Variants in MRTFA observed in about 807,000 individuals in gnomAD.
The protein encoded by MRTFA is myocardin-related transcription factor A.
In MRTFA, 20 loss-of-function variants were observed where a neutral mutation model predicts 83.5. That is an observed-to-expected ratio of 0.24 (90% confidence interval 0.17 to 0.35). The LOEUF (loss-of-function observed/expected upper bound fraction) is 0.35. Among genes scored for constraint, MRTFA ranks in the 10% least tolerant of loss-of-function variants. The probability of loss-of-function intolerance (pLI) is 1.00; values close to 1 mark genes in which losing one functional copy is unlikely to be tolerated. For missense variants in MRTFA, 1,200 were observed against 1,224.7 expected (o/e 0.98, Z 0.30); for synonymous variants, 659 against 541.2 (o/e 1.22, Z -3.02).
chr22:40,623,046 G>A (rs1423605945), intron 1 of MRTFA, among the ~76,000 whole-genome samples: 1 of 152,058 alleles, frequency 6.6e-6, no homozygotes, highest in Non-Finnish European at 1.5e-5. Flanking sequence ...CTAAACTAAG[G>A]GAAACTCAAC....
intron 3 of MRTFA, among the ~76,000 whole-genome samples, chr22:40,517,703 A>G (rs1011623486): frequency 2.6e-5 from 4 of 152,210 alleles, no homozygotes; most frequent in African/African-American, 9.7e-5. Flanking sequence ...CCTAAGAATA[A>G]CAAAGGTAAA....
intron 4 of MRTFA, among the ~76,000 whole-genome samples, chr22:40,457,484 A>AAGAAAGAC: frequency 7.4e-6 from 1 of 134,272 alleles, no homozygotes; most frequent in African/African-American, 2.5e-5. Flanking sequence ...GAAAGAAAGA[A>AAGAAAGAC]AGAAGGAAAG....
chr22:40,435,633 T>C (rs1398759618), intron 4 of MRTFA, 79 bp from the exon 5 acceptor site: 1 of 1,516,814 alleles, frequency 6.6e-7, no homozygotes, highest in Non-Finnish European at 9.2e-7. Context: ...GGAGAAGGCA[T>C]CTTAAATTCA....
intron 3 of MRTFA, among the ~76,000 whole-genome samples, chr22:40,533,326 G>A (rs1287706227): frequency 1.3e-5 from 2 of 152,104 alleles, no homozygotes; most frequent in African/African-American, 4.8e-5. Context: ...GATTAAAGAA[G>A]ACAAAGAGTT....
At chr22:40,511,110 T>C (rs1387402259) in intron 3 of MRTFA, among the ~76,000 whole-genome samples, 2 of 151,970 alleles carry the variant, frequency 1.3e-5, no homozygotes, top group Admixed American at 6.6e-5. Context: ...AATGGACAGA[T>C]TGGAGGAGAG....
Position 40,437,781 on chromosome 22 carries a change from C to T in MRTFA, c.308-2227G>A, listed in dbSNP as rs1037416727. On this transcript the variant is annotated intron_variant, in intron 4 of 14. Coordinates refer to ENST00000355630, the MANE Select transcript of MRTFA (RefSeq NM_020831.6). ...CCGTCTCAAAAAAAAAAAAAAAAGG[C>T]GGAATACTACATACTTTTCTTGTTT... Among the ~76,000 whole-genome samples, 13 of 147,634 alleles carry T rather than the reference C, an allele frequency of 8.8e-5. 1 individual carries two copies. The highest frequency in any genetic ancestry group is 6.1e-4 in the Admixed American group (9 of 14,816).
intron 4 of MRTFA, among the ~76,000 whole-genome samples, chr22:40,437,577 T>C (rs2053195464): frequency 6.6e-6 from 1 of 152,044 alleles, no homozygotes; most frequent in Admixed American, 6.6e-5. Context: ...CTGGCCAACA[T>C]GGTGAAACCC....
At chr22:40,550,218 T>A (rs2055424581) in intron 3 of MRTFA, among the ~76,000 whole-genome samples, 2 of 151,960 alleles carry the variant, frequency 1.3e-5, no homozygotes, top group Admixed American at 6.6e-5. Context: ...TACGTTTAAA[T>A]TTTTTCATAA....
chr22:40,618,250 AT>A (rs1011885827), intron 1 of MRTFA, among the ~76,000 whole-genome samples: 273 of 104,104 alleles, frequency 2.6e-3, no homozygotes, highest in Middle Eastern at 5.0e-3. Flanking sequence ...AATTTTTTGT[AT>A]TTTTTTTTTT....
intron 4 of MRTFA, among the ~76,000 whole-genome samples, chr22:40,456,549 G>A (rs1271545238): frequency 1.3e-5 from 2 of 152,126 alleles, no homozygotes; most frequent in Admixed American, 6.5e-5. Flanking sequence ...CTAGCTGGAC[G>A]TGCTGGCCCG....
At position 40,417,367 on chromosome 22, in the gene MRTFA, C is replaced by G. The variant is rs774149984; in HGVS notation, c.2491G>C (p.Ala831Pro). Residue 831 changes from alanine (A) to proline (P), a missense_variant, in exon 13 of 15, where the codon GCC (alanine) becomes CCC (proline). Physicochemically the swap from Ala to Pro is conservative, Grantham distance 27 (BLOSUM62 -1). Coordinates refer to ENST00000355630, the MANE Select transcript of MRTFA (RefSeq NM_020831.6). The stretch of plus-strand genomic sequence containing the variant: ...TGCTGTTTGGGCTGCTGGCTCATGG[C>G]TTCCTCATAGCCAGGTGGTTCCTTC... The G allele has an allele frequency of 1.9e-6, 3 of 1,611,514 alleles. No homozygotes were observed. The highest frequency in any genetic ancestry group is 1.1e-5 in the South Asian group (1 of 90,716).
Position 40,599,884 on chromosome 22 carries a change from G to A in MRTFA, c.-83-5149C>T, listed in dbSNP as rs540199980. Among the ~76,000 whole-genome samples, 11 of 150,060 alleles carry A rather than the reference G, an allele frequency of 7.3e-5. No individual in the cohort carries two copies. The Admixed American group carries it at 7.3e-4, about 10-fold the overall frequency. ...ACTGCACTCCAGCCTGAGCGACAGA[G>A]TGAGACACGCTGTGTCTTTAAAAAA... On this transcript the variant is annotated intron_variant, in intron 1 of 14. Transcript: ENST00000355630.
At chr22:40,503,921 A>C (rs1002881921) in intron 3 of MRTFA, among the ~76,000 whole-genome samples, 1 of 151,432 alleles carries the variant, frequency 6.6e-6, no homozygotes, top group African/African-American at 2.5e-5. Flanking sequence ...GACTGTCTCA[A>C]GTTTAAAAAA....
chr22:40,475,923 T>A (rs1024328769), intron 3 of MRTFA, among the ~76,000 whole-genome samples: 2 of 152,144 alleles, frequency 1.3e-5, no homozygotes, highest in African/African-American at 4.8e-5. Flanking sequence ...GGCGGGTGGA[T>A]CACGAGGTCA....
intron 2 of MRTFA, among the ~76,000 whole-genome samples, chr22:40,592,291 T>C (rs2056132692): frequency 6.6e-6 from 1 of 151,144 alleles, no homozygotes; most frequent in Admixed American, 6.6e-5. Context: ...AAAAATTATT[T>C]TTTTTAATTA....
At chr22:40,439,100 C>T (rs2147107057) in intron 4 of MRTFA, among the ~76,000 whole-genome samples, 1 of 152,244 alleles carries the variant, frequency 6.6e-6, no homozygotes, top group African/African-American at 2.4e-5. Flanking sequence ...AAGATTATAA[C>T]CTAATTTTTT....
At chr22:40,427,837 A>G (rs1364728620) in intron 7 of MRTFA, among the ~76,000 whole-genome samples, 1 of 152,204 alleles carries the variant, frequency 6.6e-6, no homozygotes, top group Non-Finnish European at 1.5e-5. Context: ...TGGAAATATC[A>G]GCGCCATCCA....
intron 4 of MRTFA, among the ~76,000 whole-genome samples, chr22:40,453,767 G>C (rs1406514083): frequency 2.6e-5 from 4 of 152,128 alleles, no homozygotes; most frequent in Non-Finnish European, 1.5e-5. Context: ...AGTGGGGATG[G>C]AGGACAGATC....
intron 1 of MRTFA, among the ~76,000 whole-genome samples, chr22:40,630,129 A>AT (rs2056626736): frequency 6.6e-6 from 1 of 151,968 alleles, no homozygotes; most frequent in Non-Finnish European, 1.5e-5. Context: ...CCTGGCCAAC[A>AT]TATAGTGAAA....
Sources: gnomAD v4.1 joint callset for allele counts (sites outside exome capture counted in the v4.1 genomes callset) on GRCh38, gnomAD v4.1.1 for gene constraint, MANE v1.5 for transcripts, NCBI Gene and HGNC (gene_info 2026-07-23, HGNC 2026-07-21) for gene names.